SOX5: variants seen among roughly 807,000 people sequenced by gnomAD.
The protein encoded by SOX5 is SRY-box transcription factor 5, also known as transcription factor SOX-5.
In SOX5, 9 loss-of-function variants were observed where a neutral mutation model predicts 92.0. The observed-to-expected ratio is 0.10, with a 90% CI of 0.06 to 0.17. SOX5 has a LOEUF of 0.17. Ranked by LOEUF, SOX5 falls within the 10% of genes least tolerant of loss-of-function variation. The pLI is 1.00. For missense variants in SOX5, 642 were observed against 944.5 expected (o/e 0.68, Z 4.20); for synonymous variants, 344 against 336.3 (o/e 1.02, Z -0.25).
At chr12:24,136,978 A>G (rs1221559464) in intron 4 of SOX5, among the ~76,000 whole-genome samples, 2 of 152,192 alleles carry the variant, frequency 1.3e-5, no homozygotes, top group African/African-American at 4.8e-5. Flanking sequence ...ACTGTGCTCC[A>G]AAAATATCAC....
chr12:23,899,197 T>C (rs2097207176), intron 1 of SOX5, among the ~76,000 whole-genome samples: 1 of 151,718 alleles, frequency 6.6e-6, no homozygotes, highest in South Asian at 2.1e-4. Context: ...ATCACATGAG[T>C]TCCAGATCAG....
At chr12:24,019,737 G>T (rs1954075467) in intron 4 of SOX5, among the ~76,000 whole-genome samples, 1 of 152,192 alleles carries the variant, frequency 6.6e-6, no homozygotes, top group Non-Finnish European at 1.5e-5. Flanking sequence ...CAGTGTCTCA[G>T]AGTTGATTTA....
chr12:24,337,045 C>T (rs1951996446), intron 2 of SOX5, among the ~76,000 whole-genome samples: 1 of 152,136 alleles, frequency 6.6e-6, no homozygotes, highest in Non-Finnish European at 1.5e-5. Context: ...AGTATGAGAT[C>T]TCAAAATTCT....
chr12:24,071,115 T>C (rs1248092357), intron 4 of SOX5, among the ~76,000 whole-genome samples: 1 of 152,244 alleles, frequency 6.6e-6, no homozygotes, highest in East Asian at 1.9e-4. Flanking sequence ...TTGCTCAACA[T>C]AAAGCTGCAT....
chr12:23,941,283 C>T (rs1943584478), intron 1 of SOX5, among the ~76,000 whole-genome samples: 1 of 151,406 alleles, frequency 6.6e-6, no homozygotes. Context: ...AATATGTTGC[C>T]CCATCACTTT....
At chr12:23,673,356 T>C (rs1314330904) in intron 6 of SOX5, among the ~76,000 whole-genome samples, 1 of 152,132 alleles carries the variant, frequency 6.6e-6, no homozygotes, top group Non-Finnish European at 1.5e-5. Flanking sequence ...CTATTTGTAT[T>C]ACTTATTGTA....
At chr12:24,101,538 T>C (rs1230916219) in intron 4 of SOX5, among the ~76,000 whole-genome samples, 1 of 152,168 alleles carries the variant, frequency 6.6e-6, no homozygotes, top group Non-Finnish European at 1.5e-5. Flanking sequence ...GATTTGTGTT[T>C]TCCCTGTTTG....
chr12:23,907,515 A>T (rs1037333566), intron 1 of SOX5, among the ~76,000 whole-genome samples: 4 of 152,218 alleles, frequency 2.6e-5, no homozygotes, highest in African/African-American at 9.6e-5. Context: ...CTCAAATGTT[A>T]TGTAATTCCT....
At chr12:24,091,691 G>T (rs989689127) in intron 4 of SOX5, among the ~76,000 whole-genome samples, 4 of 152,008 alleles carry the variant, frequency 2.6e-5, no homozygotes, top group African/African-American at 9.7e-5. Context: ...ACTTACTAGG[G>T]TATGATAAAT....
At chr12:23,852,052 T>C (rs1258438299) in intron 2 of SOX5, among the ~76,000 whole-genome samples, 8 of 152,300 alleles carry the variant, frequency 5.3e-5, no homozygotes, top group Non-Finnish European at 8.8e-5. Context: ...GCTTATATTA[T>C]ATATATTCAA....
chr12:23,662,797 A>G (rs545298885), intron 7 of SOX5, among the ~76,000 whole-genome samples: 2 of 152,286 alleles, frequency 1.3e-5, no homozygotes, highest in South Asian at 4.1e-4. Context: ...CGAAACAGAA[A>G]CGTTTATCAT....
At chr12:23,574,193 C>G (rs979534637) in intron 10 of SOX5, among the ~76,000 whole-genome samples, 3 of 151,762 alleles carry the variant, frequency 2.0e-5, no homozygotes, top group African/African-American at 7.3e-5. Context: ...CTTTTCTTAC[C>G]ACACACAGCC....
intron 3 of SOX5, among the ~76,000 whole-genome samples, chr12:23,761,288 T>G (rs1311142260): frequency 6.6e-6 from 1 of 152,136 alleles, no homozygotes; most frequent in Non-Finnish European, 1.5e-5. Flanking sequence ...ATAAATGGTT[T>G]GGCTACTTAA....
intron 1 of SOX5, among the ~76,000 whole-genome samples, chr12:24,556,240 T>A (rs1042385813): frequency 4.6e-5 from 7 of 152,338 alleles, no homozygotes; most frequent in Middle Eastern, 3.4e-3. Flanking sequence ...GAACCCCAAT[T>A]AATGCAAGAA....
At chr12:24,288,939 G>GT (rs72009105) in intron 2 of SOX5, among the ~76,000 whole-genome samples, 145,823 of 152,162 alleles carry the variant, frequency 0.96, 70,208 homozygotes, top group East Asian at 1. Flanking sequence ...TCTCATGATG[G>GT]GAGGTATCTT....
At chr12:23,552,972 G>A (rs1331752378) in intron 11 of SOX5, among the ~76,000 whole-genome samples, 1 of 151,852 alleles carries the variant, frequency 6.6e-6, no homozygotes, top group Non-Finnish European at 1.5e-5. Context: ...TTTAAACCTG[G>A]AGATGTGCAA....
chr12:24,277,506 ATATAAATATATAT>A (rs1226732888), intron 2 of SOX5, among the ~76,000 whole-genome samples: 1 of 97,978 alleles, frequency 1.0e-5, no homozygotes, highest in African/African-American at 2.8e-5. Context: ...ACATTTAAAT[ATATAAATATATAT>A]TTATATGTAT....
intron 2 of SOX5, among the ~76,000 whole-genome samples, chr12:24,299,426 A>G (rs1947698832): frequency 6.6e-6 from 1 of 152,110 alleles, no homozygotes; most frequent in Non-Finnish European, 1.5e-5. Flanking sequence ...TCATATTTTA[A>G]GTATTTTTTT....
chr12:23,561,530 C>T (rs1273626271), intron 11 of SOX5, among the ~76,000 whole-genome samples: 1 of 152,164 alleles, frequency 6.6e-6, no homozygotes, highest in East Asian at 1.9e-4. Flanking sequence ...TACAAGCCGT[C>T]AGCGCAATTA....
Sources: gnomAD v4.1 joint callset for allele counts (sites outside exome capture counted in the v4.1 genomes callset) on GRCh38, gnomAD v4.1.1 for gene constraint, MANE v1.5 for transcripts, NCBI Gene and HGNC (gene_info 2026-07-23, HGNC 2026-07-21) for gene names.